The following DNAJA3 variants were observed in gnomAD, a reference collection of about 807,000 sequenced individuals.
DNAJA3 encodes dnaJ homolog subfamily A member 3, mitochondrial.
DNAJA3 carries 29 observed loss-of-function variants against 54.9 expected under a neutral mutation model. That is an observed-to-expected ratio of 0.53 (90% CI 0.39 to 0.72). The LOEUF (loss-of-function observed/expected upper bound fraction) is 0.72. Among genes scored for constraint, DNAJA3 ranks in the 30% least tolerant of loss-of-function variants. The pLI is 0.00. For missense variants in DNAJA3, 708 were observed against 639.4 expected, an observed-to-expected ratio of 1.11 and a Z score of -1.16; for synonymous variants, 302 against 251.4, an observed-to-expected ratio of 1.20 and a Z score of -1.90.
chr16:4,432,758 C>T (rs1226826173), intron 1 of DNAJA3, among the ~76,000 whole-genome samples: 3 of 151,978 alleles, frequency 2.0e-5, no homozygotes, highest in African/African-American at 4.8e-5. Context: ...GTCGCTTGAA[C>T]CCAGCAGGCG....
chr16:4,428,891 T>C (rs1181057579), intron 1 of DNAJA3, among the ~76,000 whole-genome samples: 1 of 147,030 alleles, frequency 6.8e-6, no homozygotes, highest in Non-Finnish European at 1.5e-5. Context: ...GATTTTTTTT[T>C]TTTTTTTTTT....
intron 1 of DNAJA3, among the ~76,000 whole-genome samples, chr16:4,428,675 G>C (rs1880428134): frequency 6.6e-6 from 1 of 152,188 alleles, no homozygotes; most frequent in African/African-American, 2.4e-5. Context: ...CCATGGGCAA[G>C]TTTTATATCA....
chr16:4,438,439 C>G (rs997762615), intron 3 of DNAJA3, among the ~76,000 whole-genome samples: 2 of 152,142 alleles, frequency 1.3e-5, no homozygotes, highest in East Asian at 3.8e-4. Flanking sequence ...TATTCAATGA[C>G]ATCCCCTTCC....
intron 3 of DNAJA3, among the ~76,000 whole-genome samples, chr16:4,439,581 G>A (rs2056814937): frequency 6.6e-6 from 1 of 152,146 alleles, no homozygotes; most frequent in Admixed American, 6.6e-5. Context: ...TTTCCACATG[G>A]TTAGTTGATC....
At chr16:4,441,225 A>T in intron 3 of DNAJA3, 150 bp from the exon 4 acceptor site, 1 of 658,708 alleles carries the variant, frequency 1.5e-6, no homozygotes, top group Non-Finnish European at 2.6e-6. Flanking sequence ...TCTAGGTGCT[A>T]GTCACAGGCC....
At chr16:4,446,749 T>C in intron 7 of DNAJA3, 137 bp from the exon 8 acceptor site, 1 of 1,026,514 alleles carries the variant, frequency 9.7e-7, no homozygotes, top group African/African-American at 1.6e-5. Flanking sequence ...GGACAGTTCT[T>C]TCCCTCAACA....
chr16:4,455,353 G>A, intron 11 of DNAJA3, 193 bp from the exon 12 acceptor site: 2 of 639,950 alleles, frequency 3.1e-6, no homozygotes, highest in Non-Finnish European at 2.8e-6. Flanking sequence ...AAGCCTGGGG[G>A]CTGCTCCAGG....
At chr16:4,438,248 C>T (rs1008309877) in intron 3 of DNAJA3, among the ~76,000 whole-genome samples, 12 of 151,424 alleles carry the variant, frequency 7.9e-5, no homozygotes, top group Admixed American at 2.6e-4. Flanking sequence ...ACCCGGGAGG[C>T]GGAGCTTGCA....
At chr16:4,434,713 AAAG>A (rs2056750789) in intron 2 of DNAJA3, among the ~76,000 whole-genome samples, 196 bp downstream of exon 2, 1 of 152,134 alleles carries the variant, frequency 6.6e-6, no homozygotes, top group Non-Finnish European at 1.5e-5. Context: ...GCTTCAGAAA[AAAG>A]AGGTGAGTCC....
intron 2 of DNAJA3, among the ~76,000 whole-genome samples, chr16:4,435,151 C>T (rs2056758429): frequency 6.6e-6 from 1 of 152,016 alleles, no homozygotes; most frequent in African/African-American, 2.4e-5. Context: ...CCACCTGCCT[C>T]AGCCTCCCAA....
intron 8 of DNAJA3, among the ~76,000 whole-genome samples, chr16:4,448,306 T>G (rs2056930094): frequency 6.8e-6 from 1 of 146,988 alleles, no homozygotes; most frequent in Non-Finnish European, 1.5e-5. Flanking sequence ...ATTACAGGCA[T>G]GAGCCACTGC....
In DNAJA3 at chr16:4,426,027, C is replaced by G; in HGVS notation, c.146C>G (p.Ala49Gly). Residue 49 changes from alanine (A) to glycine (G), a missense_variant, in exon 1 of 12, where the codon GCG becomes GGG. By Grantham distance (60) the Ala-to-Gly change is moderately conservative (BLOSUM62 0). Coordinates refer to ENST00000262375, the MANE Select transcript of DNAJA3 (RefSeq NM_005147.6). Reference protein sequence around the residue: ...LSRKLSVPAFASSLTSCGPRA... With the variant: ...LSRKLSVPAFGSSLTSCGPRA... ...CGCAAGCTGAGCGTCCCCGCCTTTGCGTCTTCCCTGACCTCTTGCGGCCCC... is the reference window on the plus strand; with the variant it reads ...CGCAAGCTGAGCGTCCCCGCCTTTGGGTCTTCCCTGACCTCTTGCGGCCCC... 1 of 1,608,062 alleles carries G rather than the reference C, an allele frequency of 6.2e-7. No individual in the cohort carries two copies. Among genetic ancestry groups the G allele is most frequent in the Non-Finnish European group, 8.5e-7 (1 of 1,177,672 alleles).
intron 8 of DNAJA3, among the ~76,000 whole-genome samples, chr16:4,448,202 A>G (rs2056927564): frequency 1.4e-5 from 2 of 145,612 alleles, no homozygotes; most frequent in Non-Finnish European, 3.0e-5. Context: ...AATTTTTTGT[A>G]TTTTAGTAGC....
chr16:4,448,614 G>A lies in DNAJA3; in HGVS notation c.1126-119G>A, dbSNP rs183740870. 8.4e-4 allele frequency: 608 copies of A among 720,328 alleles called. 11 individuals are homozygous for A. Among genetic ancestry groups the A allele is most frequent in the South Asian group, 7.8e-3 (451 of 57,680 alleles). The allele number at this position is 720,328 out of a possible 1,614,324, so 44.6% of individuals were successfully genotyped here. On this transcript the variant is annotated intron_variant, in intron 8 of 11. Coordinates refer to ENST00000262375, the MANE Select transcript of DNAJA3 (RefSeq NM_005147.6). The stretch of plus-strand genomic sequence containing the variant: ...GCCTCGACCTCCCAAAGTGATGGGA[G>A]CGTGAGCCAGTGGTAGTTCTTTTCA...
rs1451079867 is a variant in DNAJA3 at position 4,456,330 on chromosome 16, G to C, written c.*798G>C. 1 of 152,308 alleles carries C rather than the reference G, an allele frequency of 6.6e-6. No homozygotes were observed. Among genetic ancestry groups the C allele is most frequent in the Non-Finnish European group, 1.5e-5 (1 of 68,072 alleles). The allele number at this position is 152,308 out of a possible 1,614,324, so 9.4% of individuals were successfully genotyped here. ...GAGCCACAGCCCATTGCAGCACTGT[G>C]CTGGCCAGACTTCAGCTGCCTTGGG... On this transcript the variant is annotated 3_prime_UTR_variant, in exon 12 of 12. Coordinates refer to ENST00000262375, the MANE Select transcript of DNAJA3 (RefSeq NM_005147.6).
In DNAJA3 at chr16:4,455,857, A is replaced by G. The variant is rs1182297342; in HGVS notation, c.*325A>G. ...GGCTAAAACTCTAATTTGGAATTGAATATTGTGGATATCTTAGTTAAAGGC... is the reference window on the plus strand; with the variant it reads ...GGCTAAAACTCTAATTTGGAATTGAGTATTGTGGATATCTTAGTTAAAGGC... On this transcript the variant is annotated 3_prime_UTR_variant, in exon 12 of 12. Transcript: ENST00000262375. The G allele has an allele frequency of 3.7e-6, 2 of 534,896 alleles. No homozygotes were observed. Among genetic ancestry groups the G allele is most frequent in the Non-Finnish European group, 6.7e-6 (2 of 298,676 alleles). 33.1% of individuals were successfully genotyped at this position (534,896 alleles called of 1,614,324 possible).
At chr16:4,431,668 C>T (rs1218515137) in intron 1 of DNAJA3, 1 of 152,120 alleles carries the variant, frequency 6.6e-6, no homozygotes, top group East Asian at 1.9e-4. Flanking sequence ...ACCTCAGCCT[C>T]CCAGGTTCAA....
chr16:4,433,776 T>G (rs1165457649), intron 1 of DNAJA3: 2 of 152,296 alleles, frequency 1.3e-5, no homozygotes, highest in Non-Finnish European at 2.9e-5. Flanking sequence ...GTATTATTCC[T>G]TTAGTGGTTT....
intron 1 of DNAJA3, chr16:4,433,701 G>A (rs1596360953): frequency 6.6e-6 from 1 of 152,156 alleles, no homozygotes; most frequent in East Asian, 1.9e-4. Context: ...CCTAGCAAAT[G>A]GTAAGTGCTC....
Sources: gnomAD v4.1 joint callset for allele counts (sites outside exome capture counted in the v4.1 genomes callset) on GRCh38, gnomAD v4.1.1 for gene constraint, MANE v1.5 for transcripts, NCBI Gene and HGNC (gene_info 2026-07-23, HGNC 2026-07-21) for gene names.